The following NELL1 variants were observed in gnomAD, a reference collection of about 807,000 sequenced individuals.
NELL1 encodes the protein protein kinase C-binding protein NELL1.
Under a neutral mutation model 107.4 loss-of-function variants are expected in NELL1, and 76 were observed. The ratio of observed to expected loss-of-function variants is 0.71; its 90% CI spans 0.59 to 0.86. The LOEUF is 0.86. NELL1 is among the 40% of genes least tolerant of loss of function. The pLI is 0.00. For synonymous variants in NELL1, 353 were observed against 341.2 expected (o/e 1.03, Z -0.38); for missense variants, 1,024 against 1,005.5 (o/e 1.02, Z -0.25).
chr11:21,048,053 G>T (rs761944207), intron 12 of NELL1, among the ~76,000 whole-genome samples: 3 of 152,094 alleles, frequency 2.0e-5, no homozygotes, highest in African/African-American at 4.8e-5. Flanking sequence ...GTACAGTTGG[G>T]TACTACTTTC....
chr11:20,735,465 A>G (rs185502867), intron 2 of NELL1, among the ~76,000 whole-genome samples: 35 of 152,292 alleles, frequency 2.3e-4, no homozygotes, highest in African/African-American at 8.2e-4. Context: ...TAAAACCATT[A>G]TGTCTTGTGA....
chr11:21,037,519 C>T (rs528929246), intron 12 of NELL1, among the ~76,000 whole-genome samples: 1 of 152,236 alleles, frequency 6.6e-6, no homozygotes, highest in East Asian at 1.9e-4. Flanking sequence ...AATTTTTAGT[C>T]CACATGTTCC....
intron 13 of NELL1, among the ~76,000 whole-genome samples, chr11:21,151,237 A>G (rs546193624): frequency 3.3e-5 from 5 of 152,270 alleles, no homozygotes; most frequent in African/African-American, 7.2e-5. Context: ...AGGAACATAC[A>G]TTGCTGCTTC....
intron 12 of NELL1, among the ~76,000 whole-genome samples, chr11:20,962,983 G>A (rs576343534): frequency 6.6e-6 from 1 of 152,270 alleles, no homozygotes; most frequent in African/African-American, 2.4e-5. Context: ...TGGGCATCCG[G>A]CTGGGAGGCA....
chr11:21,499,526 C>A (rs1011228134), intron 15 of NELL1, among the ~76,000 whole-genome samples: 2 of 152,022 alleles, frequency 1.3e-5, no homozygotes, highest in African/African-American at 4.8e-5. Context: ...TTCTTCTTGG[C>A]CTTTTCACAG....
chr11:20,955,112 G>A (rs113669294), intron 11 of NELL1, among the ~76,000 whole-genome samples: 1 of 152,218 alleles, frequency 6.6e-6, no homozygotes, highest in African/African-American at 2.4e-5. Flanking sequence ...CTGGAAGAGA[G>A]ACACGTGATG....
chr11:20,992,766 G>A (rs1032725611), intron 12 of NELL1, among the ~76,000 whole-genome samples: 2 of 144,462 alleles, frequency 1.4e-5, no homozygotes, highest in Admixed American at 1.5e-4. Flanking sequence ...CGAGGCTGGA[G>A]TGCAATGGTG....
intron 14 of NELL1, among the ~76,000 whole-genome samples, chr11:21,233,536 A>G (rs1296749706): frequency 6.6e-6 from 1 of 152,246 alleles, no homozygotes; most frequent in Non-Finnish European, 1.5e-5. Context: ...GCATACAATG[A>G]TAACCTAGAA....
intron 2 of NELL1, among the ~76,000 whole-genome samples, chr11:20,777,227 G>T (rs1295454315): frequency 6.6e-6 from 1 of 152,190 alleles, no homozygotes; most frequent in East Asian, 1.9e-4. Context: ...GCTTTAGTTT[G>T]GTCATCTGTA....
intron 14 of NELL1, among the ~76,000 whole-genome samples, chr11:21,234,196 A>G (rs1858139770): frequency 1.3e-5 from 2 of 152,248 alleles, no homozygotes; most frequent in Admixed American, 6.5e-5. Flanking sequence ...CCAGAGAAAA[A>G]TGCAAGCATG....
intron 2 of NELL1, among the ~76,000 whole-genome samples, chr11:20,691,941 G>C (rs1205373381): frequency 6.6e-6 from 1 of 152,008 alleles, no homozygotes; most frequent in Non-Finnish European, 1.5e-5. Context: ...GTAAGGTATT[G>C]ATTATTGCCA....
chr11:20,829,223 A>ATTTTTTTTTT (rs758970966), intron 3 of NELL1, among the ~76,000 whole-genome samples: 1 of 118,900 alleles, frequency 8.4e-6, no homozygotes, highest in African/African-American at 3.3e-5. Flanking sequence ...CTGCAGGACT[A>ATTTTTTTTTT]TTTTTTTTTT....
chr11:20,803,790 TG>T (rs1476378594), intron 3 of NELL1, among the ~76,000 whole-genome samples: 1 of 152,132 alleles, frequency 6.6e-6, no homozygotes, highest in Non-Finnish European at 1.5e-5. Flanking sequence ...TTAGAGTCAG[TG>T]GGGTGGCAAA....
chr11:21,246,884 TG>T lies in NELL1; in HGVS notation c.1549+17431del, dbSNP rs1177460685. 5.3e-5 allele frequency among the ~76,000 whole-genome samples: 8 copies of T among 152,284 alleles called. No individual in the cohort carries two copies. The East Asian group carries it at 1.2e-3, about 22-fold the overall frequency. ...AATCTCTTATAAAATCATCAGCTCT[TG>T]CGAGATTTATTCACTATCACAAGAA... On this transcript the variant is annotated intron_variant, in intron 14 of 19. Coordinates refer to ENST00000357134, the MANE Select transcript of NELL1 (RefSeq NM_006157.5).
At position 21,166,266 on chromosome 11, in the gene NELL1, T is replaced by C. The variant is rs193227264; in HGVS notation, c.1426+52552T>C. Among the ~76,000 whole-genome samples, 32 of 151,470 alleles carry C rather than the reference T, an allele frequency of 2.1e-4. 1 individual carries two copies. The highest frequency in any genetic ancestry group is 9.2e-4 in the Admixed American group (14 of 15,214). On this transcript the variant is annotated intron_variant, in intron 13 of 19. Transcript: ENST00000357134. ...GAGGAGTGGGGGTGAGAAAAGGGGATGGTTATATTAATGGGTACAAAAAAG... is the reference window on the plus strand; with the variant it reads ...GAGGAGTGGGGGTGAGAAAAGGGGACGGTTATATTAATGGGTACAAAAAAG...
intron 15 of NELL1, among the ~76,000 whole-genome samples, chr11:21,466,330 G>A (rs1854029884): frequency 6.6e-6 from 1 of 152,094 alleles, no homozygotes; most frequent in South Asian, 2.1e-4. Flanking sequence ...GGACATACAG[G>A]TCGAGTGGGC....
At chr11:20,704,270 G>T (rs1432175057) in intron 2 of NELL1, among the ~76,000 whole-genome samples, 1 of 152,082 alleles carries the variant, frequency 6.6e-6, no homozygotes, top group East Asian at 1.9e-4. Context: ...GGCCTTCTTT[G>T]TCTCTTTTGA....
chr11:20,872,685 T>C (rs1034940225), intron 4 of NELL1, among the ~76,000 whole-genome samples: 14 of 148,504 alleles, frequency 9.4e-5, no homozygotes, highest in African/African-American at 3.6e-4. Flanking sequence ...TGTGTGTGTG[T>C]GTGTGTGTGT....
At chr11:20,801,235 T>C (rs1564914559) in intron 3 of NELL1, among the ~76,000 whole-genome samples, 1 of 152,196 alleles carries the variant, frequency 6.6e-6, no homozygotes, top group Non-Finnish European at 1.5e-5. Flanking sequence ...AGGTAGCTTG[T>C]TTTTTAAAAA....
Sources: gnomAD v4.1 joint callset for allele counts (sites outside exome capture counted in the v4.1 genomes callset) on GRCh38, gnomAD v4.1.1 for gene constraint, MANE v1.5 for transcripts, NCBI Gene and HGNC (gene_info 2026-07-23, HGNC 2026-07-21) for gene names.